GPN3: variants seen among roughly 807,000 people sequenced by gnomAD.
GPN3 encodes the protein GPN-loop GTPase 3.
In GPN3, 31 loss-of-function variants were observed where a neutral mutation model predicts 38.7. That is an observed-to-expected ratio of 0.80 (90% CI 0.60 to 1.08). GPN3 has a LOEUF of 1.08. GPN3 is among the 50% of genes least tolerant of loss of function. GPN3 has a pLI of 0.00. For synonymous variants in GPN3, 116 were observed against 120.2 expected, an observed-to-expected ratio of 0.96 and a Z score of 0.23; for missense variants, 301 against 354.4, an observed-to-expected ratio of 0.85 and a Z score of 1.21.
At chr12:110,457,670 C>T (rs2062560215) in intron 3 of GPN3, 36 bp from the exon 4 acceptor site, 1 of 1,508,234 alleles carries the variant, frequency 6.6e-7, no homozygotes, top group Non-Finnish European at 9.0e-7. Flanking sequence ...TTAGAAATAG[C>T]AAGTATGTTA....
In GPN3 at chr12:110,458,073, G is replaced by A. The variant is rs918601037; in HGVS notation, c.326-439C>T. On this transcript the variant is annotated intron_variant, in intron 3 of 7. Coordinates refer to ENST00000228827, the MANE Select transcript of GPN3 (RefSeq NM_016301.4). This position sits in a 1 kb window ranked among gnomAD's most constrained non-coding sequence, Gnocchi z 4.4. ...GGAGGCTGCAGTGAGCCAAGATCAC[G>A]CCACTGCACTCCAGCCTGGGCGACA... Among the ~76,000 whole-genome samples the A allele has an allele frequency of 2.0e-5, 3 of 151,992 alleles. No homozygotes were observed. The highest frequency in any genetic ancestry group is 7.3e-5 in the African/African-American group (3 of 41,362).
At chr12:110,457,828 T>C (rs1397499652) in intron 3 of GPN3, among the ~76,000 whole-genome samples, 194 bp from the exon 4 acceptor site, 1 of 152,066 alleles carries the variant, frequency 6.6e-6, no homozygotes, top group African/African-American at 2.4e-5. Context: ...AAGTTTTATG[T>C]AGAAAATGAG....
intron 1 of GPN3, among the ~76,000 whole-genome samples, chr12:110,467,908 T>C (rs1033029545): frequency 6.6e-6 from 1 of 152,026 alleles, no homozygotes; most frequent in South Asian, 2.1e-4. Context: ...TCTCACAGGG[T>C]TGTTGTAGAA....
chr12:110,457,416 C>A (rs964370754), intron 4 of GPN3, 94 bp downstream of exon 4: 2 of 1,087,706 alleles, frequency 1.8e-6, no homozygotes, highest in African/African-American at 1.7e-5. Context: ...CACGCCACTG[C>A]GCTCCAGCCT....
At chr12:110,466,339 G>A (rs901718587) in intron 1 of GPN3, among the ~76,000 whole-genome samples, 1 of 152,118 alleles carries the variant, frequency 6.6e-6, no homozygotes, top group Admixed American at 6.6e-5. Context: ...CTCAAGGAAT[G>A]TTTCTGATAG....
chr12:110,462,170 T>G (rs2062594151), intron 2 of GPN3, among the ~76,000 whole-genome samples: 1 of 152,140 alleles, frequency 6.6e-6, no homozygotes, highest in Non-Finnish European at 1.5e-5. Flanking sequence ...TAAGCTAGCT[T>G]AGAGTGGTTT....
At chr12:110,463,212 G>T (rs1255362087) in intron 2 of GPN3, among the ~76,000 whole-genome samples, 1 of 152,182 alleles carries the variant, frequency 6.6e-6, no homozygotes, top group African/African-American at 2.4e-5. Context: ...TTGAGCCCAG[G>T]AGTTTGAGAC....
At chr12:110,459,939 A>C in intron 2 of GPN3, 77 bp from the exon 3 acceptor site, 1 of 1,218,070 alleles carries the variant, frequency 8.2e-7, no homozygotes. Flanking sequence ...AGAACATAAA[A>C]GTTAATAATT....
In GPN3 at chr12:110,459,705, A is replaced by G. The variant is rs148584241; in HGVS notation, c.315T>C (p.Phe105=). ...AAATTGTTGATTCACCTGGACAATC[A>G]AAAAGGATATAGTCGTCCTCTACAT... ...LGHVEDDYIL[F]DCPGQIELYT... The change falls in exon 3 of 8, where the codon TTT becomes TTC. Residue 105 remains phenylalanine (F), a synonymous_variant. Coordinates refer to ENST00000228827, the MANE Select transcript of GPN3 (RefSeq NM_016301.4). The G allele has an allele frequency of 1.6e-5, 26 of 1,609,386 alleles. No homozygotes were observed. The African/African-American group carries it at 2.0e-4, about 12-fold the overall frequency.
chr12:110,453,246 T>C lies in GPN3; in HGVS notation c.793-150A>G, dbSNP rs2062525911. The stretch of plus-strand genomic sequence containing the variant: ...GCTGCTTATAGGTAACTGTTAATAG[T>C]AAGAAAAGGCATGATTGACAGATTT... On this transcript the variant is annotated intron_variant, in intron 7 of 7. Transcript: ENST00000228827. 25 of 500,320 alleles carry C rather than the reference T, an allele frequency of 5.0e-5. No homozygotes were observed. In the South Asian group the frequency reaches 5.5e-4, roughly 11 times the overall value. The allele number at this position is 500,320 out of a possible 1,614,324, so 31.0% of individuals were successfully genotyped here.
In GPN3 at chr12:110,459,695, C is replaced by G; in HGVS notation, c.325G>C (p.Gly109Arg). ...CAATGCATTCAAATTGTTGATTCAC[C>G]TGGACAATCAAAAAGGATATAGTCG... is the stretch of plus-strand genomic sequence containing the variant. The part of the protein sequence containing the change: ...EDDYILFDCP[G>R]QIELYTHLPV... The change falls in exon 3 of 8, where the codon GGT becomes CGT. Residue 109 changes from glycine to arginine, a missense_variant and splice_region_variant. Transcript: ENST00000228827. 6.2e-7 allele frequency: 1 copy of G among 1,603,784 alleles called. No homozygotes were observed. Among genetic ancestry groups the G allele is most frequent in the East Asian group, 2.2e-5 (1 of 44,824 alleles).
rs1305882538 is a variant in GPN3, at chr12:110,453,758, T to C, written c.777A>G (p.Glu259=). 1 of 1,605,648 alleles carries C rather than the reference T, an allele frequency of 6.2e-7. No homozygotes were observed. Among genetic ancestry groups the C allele is most frequent in the African/African-American group, 1.3e-5 (1 of 74,886 alleles). Residue 259 remains glutamate (E), a synonymous_variant, in exon 7 of 8, where the codon GAA becomes GAG. Transcript: ENST00000228827. ...CAGAAATTACCTTTGGTTCTTTAAA[T>C]TCTAGGTCTTCTCCATATTGAATGG... ...DFAIQYGEDL[E]FKEPKEREDE... is the part of the protein sequence containing the mutation.
At position 110,455,960 on chromosome 12, in the gene GPN3, A is replaced by T. The variant is rs200570685; in HGVS notation, c.451-30T>A. 6.0e-4 allele frequency: 695 copies of T among 1,162,068 alleles called. 8 individuals carry two copies. The East Asian group carries it at 0.015, about 26-fold the overall frequency. The allele number at this position is 1,162,068 out of a possible 1,614,324, so 72.0% of individuals were successfully genotyped here. A position where few individuals can be genotyped will look rare whatever the true frequency, so the allele number is the denominator to read the frequency against. ...AGGAGGAAACAGAAAAGGGAAGATG[A>T]ACTGACTGTTGCCAACAGTTACCTG... On this transcript the variant is annotated intron_variant, in intron 4 of 7. Coordinates refer to ENST00000228827, the MANE Select transcript of GPN3 (RefSeq NM_016301.4).
chr12:110,460,504 G>C (rs977007481), intron 2 of GPN3, among the ~76,000 whole-genome samples: 1 of 152,170 alleles, frequency 6.6e-6, no homozygotes, highest in Non-Finnish European at 1.5e-5. Context: ...TCCTTATCCT[G>C]GGTTAGAAGG....
chr12:110,453,799 G>A lies in GPN3; in HGVS notation c.736C>T (p.Gln246Ter). 6.3e-7 allele frequency: 1 copy of A among 1,587,636 alleles called. No individual in the cohort carries two copies. ...SDEESMNIVL[Q>*]HIDFAIQYGE... is the part of the protein sequence containing the mutation. ...TATTGAATGGCAAAATCAATATGCT[G>A]CAATACAATGTTCATGCTTTCTTCA... Residue 246 changes from glutamine (Q) to a stop codon, truncating the protein, a stop_gained, in exon 7 of 8, where the codon CAG (glutamine) becomes TAG (stop). Coordinates refer to ENST00000228827, the MANE Select transcript of GPN3 (RefSeq NM_016301.4). LOFTEE classifies it high-confidence loss of function.
chr12:110,463,359 A>G (rs753860823), intron 2 of GPN3, among the ~76,000 whole-genome samples: 3 of 150,996 alleles, frequency 2.0e-5, no homozygotes, highest in Non-Finnish European at 4.4e-5. Context: ...GGGAGGTAGG[A>G]GGATTGCTTG....
intron 2 of GPN3, chr12:110,461,401 G>GA (rs200024506): frequency 0.06 from 18,277 of 306,748 alleles, 112 homozygotes; most frequent in East Asian, 0.14. Context: ...TTATAAAATT[G>GA]AAAAAAAAAA....
At chr12:110,461,424 A>T (rs2062589191) in intron 2 of GPN3, 1 of 589,704 alleles carries the variant, frequency 1.7e-6, no homozygotes, top group Non-Finnish European at 3.0e-6. Flanking sequence ...ACTCCATCTC[A>T]AACAAAAACA....
intron 2 of GPN3, among the ~76,000 whole-genome samples, chr12:110,462,390 T>C (rs1425443411): frequency 6.6e-6 from 1 of 152,100 alleles, no homozygotes; most frequent in South Asian, 2.1e-4. Context: ...GGAAATTATA[T>C]CATACACTGA....
Sources: allele counts gnomAD v4.1 joint callset (sites outside exome capture counted in the v4.1 genomes callset), GRCh38; gene constraint gnomAD v4.1.1; non-coding constraint Gnocchi (gnomAD v3.1); transcripts MANE v1.5; gene names NCBI Gene and HGNC (gene_info 2026-07-23, HGNC 2026-07-21).